Variants in CMYA5 observed in about 807,000 individuals in gnomAD.
CMYA5 encodes the protein cardiomyopathy-associated protein 5.
Under a neutral mutation model 318.9 loss-of-function variants are expected in CMYA5, and 246 were observed. That is an observed-to-expected ratio of 0.77 (90% CI 0.70 to 0.86). CMYA5 has a LOEUF of 0.86. CMYA5 is among the 40% of genes least tolerant of loss of function. CMYA5 has a pLI of 0.00. For missense variants in CMYA5, 4,589 were observed against 4,678.2 expected, an observed-to-expected ratio of 0.98 and a Z score of 0.56; for synonymous variants, 1,641 against 1,729.5, an observed-to-expected ratio of 0.95 and a Z score of 1.27.
In CMYA5 at chr5:79,790,987, T is replaced by C. The variant is rs1425012530; in HGVS notation, c.11707T>C (p.Leu3903=). 1.2e-6 allele frequency: 2 copies of C among 1,612,974 alleles called. No homozygotes were observed. The highest frequency in any genetic ancestry group is 1.7e-6 in the Non-Finnish European group (2 of 1,179,096). Residue 3903 remains leucine (L), a synonymous_variant, in exon 11 of 13, where the codon TTG becomes CTG. Coordinates refer to ENST00000446378, the MANE Select transcript of CMYA5 (RefSeq NM_153610.5). ...ISTRGTRFLL[L]RETAHPALHI... is the part of the protein sequence containing the mutation. ...TGCAATAGGAACCAGATTTCTCTTG[T>C]TGAGAGAAACAGCTCATCCTGCTCT...
In CMYA5 at chr5:79,798,120, C is replaced by T. The variant is rs547606810; in HGVS notation, c.11964-1250C>T. ...AAAGTCTCACTTATCTCCCCACCAC[C>T]GTGAACCTCTGCCCTTCCACGTGAG... is the stretch of plus-strand genomic sequence containing the variant. On this transcript the variant is annotated intron_variant, in intron 12 of 12. Transcript: ENST00000446378. Among the ~76,000 whole-genome samples, 5 of 152,300 alleles carry T rather than the reference C, an allele frequency of 3.3e-5. No individual in the cohort carries two copies. In the East Asian group the frequency reaches 5.8e-4, roughly 18 times the overall value.
chr5:79,694,718 A>G (rs968367053), intron 1 of CMYA5, among the ~76,000 whole-genome samples: 1 of 152,212 alleles, frequency 6.6e-6, no homozygotes, highest in Non-Finnish European at 1.5e-5. Context: ...AATGGTTTTC[A>G]TTATCAGTAC....
intron 1 of CMYA5, among the ~76,000 whole-genome samples, chr5:79,724,467 T>C (rs956079859): frequency 2.0e-5 from 3 of 152,198 alleles, no homozygotes; most frequent in Non-Finnish European, 4.4e-5. Flanking sequence ...CTGGTATCAG[T>C]CTGTTTGCTT....
chr5:79,706,424 G>A (rs552919471), intron 1 of CMYA5, among the ~76,000 whole-genome samples: 1 of 152,302 alleles, frequency 6.6e-6, no homozygotes, highest in African/African-American at 2.4e-5. Context: ...AACAGTTGCA[G>A]CAAAAGCTGG....
At chr5:79,764,347 G>A (rs1196998687) in intron 9 of CMYA5, among the ~76,000 whole-genome samples, 2 of 152,038 alleles carry the variant, frequency 1.3e-5, no homozygotes, top group Admixed American at 1.3e-4. Flanking sequence ...CTTTTTTATG[G>A]CTGCATAGTA....
chr5:79,799,224 A>G (rs544168606), intron 12 of CMYA5, 146 bp from the exon 13 acceptor site: 2 of 745,226 alleles, frequency 2.7e-6, no homozygotes, highest in South Asian at 4.2e-5. Flanking sequence ...GAAGAAATCT[A>G]GTGAAGTATT....
At chr5:79,744,690 A>C (rs1328555902) in intron 3 of CMYA5, among the ~76,000 whole-genome samples, 1 of 152,174 alleles carries the variant, frequency 6.6e-6, no homozygotes. Context: ...AAATTATGGG[A>C]TCATCTTATT....
At chr5:79,696,442 A>C (rs16877058) in intron 1 of CMYA5, among the ~76,000 whole-genome samples, 12,521 of 152,306 alleles carry the variant, frequency 0.082, 598 homozygotes, top group South Asian at 0.15. Flanking sequence ...AATTGATGCT[A>C]CTGTTCAGTC....
At position 79,730,701 on chromosome 5, in the gene CMYA5, GC is replaced by G; in HGVS notation, c.1940del (p.Pro647LeufsTer65). ...EEFEAYSPAA[A>X]PTSESSLSPS... Reference sequence around the variant, plus strand: ...ATTTGAGGCTTATTCCCCAGCTGCAGCCCCTACATCTGAGAGCTCTCTCTCA... The same window carrying G: ...ATTTGAGGCTTATTCCCCAGCTGCAGCCCTACATCTGAGAGCTCTCTCTCA... On this transcript the variant is annotated frameshift_variant, in exon 2 of 13. Transcript: ENST00000446378. LOFTEE classifies it high-confidence loss of function. 1.9e-6 allele frequency: 3 copies of G among 1,613,950 alleles called. No individual in the cohort carries two copies. Among genetic ancestry groups the G allele is most frequent in the Non-Finnish European group, 2.5e-6 (3 of 1,179,880 alleles).
At chr5:79,748,524 T>TCTATCTATCTATCTATCTATCTAC (rs1561218136) in intron 5 of CMYA5, among the ~76,000 whole-genome samples, 2 of 39,194 alleles carry the variant, frequency 5.1e-5, no homozygotes, top group African/African-American at 4.4e-4. Context: ...TATCTACCTA[T>TCTATCTATCTATCTATCTATCTAC]CTATCTATCT....
At position 79,738,172 on chromosome 5, in the gene CMYA5, C is replaced by G. The variant is rs367746695; in HGVS notation, c.9407C>G (p.Ala3136Gly). Residue 3136 changes from alanine (A) to glycine (G), a missense_variant, in exon 2 of 13, where the codon GCT becomes GGT. This residue lies in a region of CMYA5 where 2,431 missense variants were observed against 2,495.1 expected (regional missense o/e 0.97). Coordinates refer to ENST00000446378, the MANE Select transcript of CMYA5 (RefSeq NM_153610.5). ...SHPETQSQNS[A>G]DRNVSKDTKR... Reference sequence around the variant, plus strand: ...CCAGAGACCCAAAGCCAAAACTCAGCTGACAGGAATGTTTCAAAGGACACA... The same window carrying G: ...CCAGAGACCCAAAGCCAAAACTCAGGTGACAGGAATGTTTCAAAGGACACA... The G allele has an allele frequency of 6.2e-7, 1 of 1,613,856 alleles. No homozygotes were observed. Among genetic ancestry groups the G allele is most frequent in the African/African-American group, 1.3e-5 (1 of 75,024 alleles).
chr5:79,799,871 A>ACGGTGACCAC lies in CMYA5; in HGVS notation c.*255_*256insCGGTGACCAC. 1 of 186,868 alleles carries ACGGTGACCAC rather than the reference A, an allele frequency of 5.4e-6. No homozygotes were observed. The highest frequency in any genetic ancestry group is 1.0e-5 in the Non-Finnish European group (1 of 96,372). The allele number at this position is 186,868 out of a possible 1,614,324, so 11.6% of individuals were successfully genotyped here. Reference sequence around the variant, plus strand: ...ATAAGTTTGAGTTCTTTCCTAAATTAAAAGATCTACACTTGAGTTGGGAAC... The same window carrying ACGGTGACCAC: ...ATAAGTTTGAGTTCTTTCCTAAATTACGGTGACCACAAAGATCTACACTTGAGTTGGGAAC... On this transcript the variant is annotated 3_prime_UTR_variant, in exon 13 of 13. Transcript: ENST00000446378.
At chr5:79,742,748 A>G (rs1828243168) in intron 2 of CMYA5, among the ~76,000 whole-genome samples, 1 of 142,036 alleles carries the variant, frequency 7.0e-6, no homozygotes, top group Non-Finnish European at 1.6e-5. Flanking sequence ...AACTGTGCCA[A>G]TCATTGAGAG....
chr5:79,747,493 T>C (rs907480494), intron 5 of CMYA5, among the ~76,000 whole-genome samples: 1 of 152,238 alleles, frequency 6.6e-6, no homozygotes, highest in African/African-American at 2.4e-5. Flanking sequence ...TTATGATTTA[T>C]GTAATTTTAA....
chr5:79,699,691 C>T (rs896500272), intron 1 of CMYA5, among the ~76,000 whole-genome samples: 20 of 152,188 alleles, frequency 1.3e-4, no homozygotes, highest in Admixed American at 1.2e-3. Flanking sequence ...AGAAAACTGG[C>T]TACAAACTGG....
chr5:79,721,535 T>G (rs973373883), intron 1 of CMYA5, among the ~76,000 whole-genome samples: 1 of 152,192 alleles, frequency 6.6e-6, no homozygotes, highest in African/African-American at 2.4e-5. Flanking sequence ...TATATGCTGC[T>G]TATAAGCAAC....
chr5:79,733,549 C>A lies in CMYA5; in HGVS notation c.4784C>A (p.Ala1595Glu). Residue 1595 changes from alanine (A) to glutamate (E), a missense_variant, in exon 2 of 13, where the codon GCA (alanine) becomes GAA (glutamate). By Grantham distance (107) the Ala-to-Glu change is moderately radical. Around this residue, in one of 3 missense-constraint regions of CMYA5, gnomAD observed 2,132 missense variants for 2,131.3 expected, o/e 1.00. Transcript: ENST00000446378. ...CTCAGTGATGATAAGAACAAACCGG[C>A]AGTGGAGGTATCTTCTACAGCTCAG... ...LLLSDDKNKP[A>E]VEVSSTAQGD... 1 of 1,613,890 alleles carries A rather than the reference C, an allele frequency of 6.2e-7. No homozygotes were observed. The highest frequency in any genetic ancestry group is 8.5e-7 in the Non-Finnish European group (1 of 1,179,828).
chr5:79,747,156 G>A (rs1012984411), intron 5 of CMYA5, 43 bp downstream of exon 5: 1 of 1,504,246 alleles, frequency 6.6e-7, no homozygotes, highest in Non-Finnish European at 8.9e-7. Context: ...CAGCATGACT[G>A]GATGCTTGCT....
intron 12 of CMYA5, 93 bp downstream of exon 12, chr5:79,793,703 T>C: frequency 2.6e-6 from 3 of 1,172,180 alleles, no homozygotes; most frequent in Non-Finnish European, 3.6e-6. Flanking sequence ...TAGCACCCAC[T>C]TCCATGCTCA....
Sources: gnomAD v4.1 joint callset for allele counts (sites outside exome capture counted in the v4.1 genomes callset) on GRCh38, gnomAD v4.1.1 for gene constraint, gnomAD v4.1.1 regional missense constraint, MANE v1.5 for transcripts, NCBI Gene and HGNC (gene_info 2026-07-23, HGNC 2026-07-21) for gene names.